SLC4A5: variants seen among roughly 807,000 people sequenced by gnomAD.
The protein encoded by SLC4A5 is electrogenic sodium bicarbonate cotransporter 4.
A neutral mutation model predicts 120.4 loss-of-function variants in SLC4A5; 96 were observed. The ratio of observed to expected loss-of-function variants is 0.80; its 90% CI spans 0.68 to 0.94. SLC4A5 has a LOEUF of 0.94. SLC4A5 is among the 40% of genes least tolerant of loss of function. The pLI is 0.00. For missense variants in SLC4A5, 1,259 were observed against 1,459.5 expected (o/e 0.86, Z 2.24); for synonymous variants, 550 against 571.1 (o/e 0.96, Z 0.53).
intron 19 of SLC4A5, among the ~76,000 whole-genome samples, chr2:74,244,498 T>C (rs56062425): frequency 1.9e-4 from 13 of 66,846 alleles, no homozygotes; most frequent in African/African-American, 3.4e-4. Flanking sequence ...CTCTCTCCCT[T>C]CCTTCTTTTC....
chr2:74,305,041 C>T (rs932877157), intron 6 of SLC4A5, among the ~76,000 whole-genome samples: 1 of 152,230 alleles, frequency 6.6e-6, no homozygotes, highest in Admixed American at 6.5e-5. Context: ...CAAGTGCCCT[C>T]TTTGATTGTT....
intron 28 of SLC4A5, among the ~76,000 whole-genome samples, chr2:74,223,340 T>G (rs1374154892): frequency 6.6e-6 from 1 of 152,182 alleles, no homozygotes; most frequent in Middle Eastern, 3.2e-3. Context: ...GGAAAATGCA[T>G]GCATGAACAT....
At position 74,250,354 on chromosome 2, in the gene SLC4A5, C is replaced by T. The variant is rs1400303329; in HGVS notation, c.1642G>A (p.Asp548Asn). 8 of 1,613,976 alleles carry T rather than the reference C, an allele frequency of 5.0e-6. 1 individual carries two copies. The highest frequency in any genetic ancestry group is 4.4e-5 in the South Asian group (4 of 91,048). ...CGGCTCGCACACACCTGATAATTGTCGGTGGCATCCCCCAGAAGCCCACCA... is the reference window on the plus strand; with the variant it reads ...CGGCTCGCACACACCTGATAATTGTTGGTGGCATCCCCCAGAAGCCCACCA... The change falls in exon 17 of 31, where the codon GAC (aspartate) becomes AAC (asparagine). Residue 548 changes from aspartate (D) to asparagine (N), a missense_variant. Asp to Asn is a conservative substitution (Grantham distance 23). Coordinates refer to ENST00000394019, the Ensembl canonical transcript of SLC4A5.
intron 28 of SLC4A5, 32 bp from the exon 29 acceptor site, chr2:74,222,984 C>A: frequency 6.9e-7 from 1 of 1,451,622 alleles, no homozygotes; most frequent in Non-Finnish European, 9.5e-7. Context: ...AGAGGATAAA[C>A]ACCAACACAA....
At chr2:74,312,841 G>A (rs547870832) in intron 6 of SLC4A5, among the ~76,000 whole-genome samples, 77 of 152,256 alleles carry the variant, frequency 5.1e-4, no homozygotes, top group Non-Finnish European at 9.1e-4. Flanking sequence ...GCTGAGGCAT[G>A]AGAATTGCCT....
intron 2 of SLC4A5, among the ~76,000 whole-genome samples, chr2:74,341,652 G>A (rs1334294573): frequency 2.6e-5 from 4 of 152,168 alleles, no homozygotes. Flanking sequence ...CACTGTGCCC[G>A]ACACAGAGCA....
At chr2:74,283,473 C>T (rs1034001430) in intron 8 of SLC4A5, among the ~76,000 whole-genome samples, 2 of 152,204 alleles carry the variant, frequency 1.3e-5, no homozygotes, top group Admixed American at 6.5e-5. Context: ...CTCTGAGGCC[C>T]GCAGGGACTT....
At chr2:74,230,865 G>C (rs1354242996) in intron 25 of SLC4A5, among the ~76,000 whole-genome samples, 1 of 152,002 alleles carries the variant, frequency 6.6e-6, no homozygotes, top group African/African-American at 2.4e-5. Context: ...GGAGTGCAGT[G>C]GTGCGATCTT....
At chr2:74,234,562 T>C (rs1670208854) in intron 22 of SLC4A5, among the ~76,000 whole-genome samples, 1 of 152,212 alleles carries the variant, frequency 6.6e-6, no homozygotes, top group Admixed American at 6.5e-5. Flanking sequence ...TTCTAAGCAG[T>C]GGTTCTCAAA....
intron 12 of SLC4A5, among the ~76,000 whole-genome samples, chr2:74,257,931 C>G (rs1671020902): frequency 6.6e-6 from 1 of 152,194 alleles, no homozygotes; most frequent in African/African-American, 2.4e-5. Flanking sequence ...GGGAGTTGGT[C>G]CTTCCTTACA....
Position 74,255,682 on chromosome 2 carries a change from T to G in SLC4A5, c.1025+93A>C. The G allele has an allele frequency of 1.1e-5, 16 of 1,462,836 alleles. No individual in the cohort carries two copies. Among genetic ancestry groups the G allele is most frequent in the East Asian group, 2.3e-5 (1 of 42,984 alleles). The allele number at this position is 1,462,836 out of a possible 1,614,324, so 90.6% of individuals were successfully genotyped here. A position where few individuals can be genotyped will look rare whatever the true frequency, so the allele number is the denominator to read the frequency against. The stretch of plus-strand genomic sequence containing the variant: ...CAGCCTCCACGTTTAGAGGTGCCTT[T>G]GAGAACACTAACAGTCAACAGCACT... On this transcript the variant is annotated intron_variant, in intron 13 of 30. Transcript: ENST00000394019. The surrounding 1 kb of genome is among the most constrained non-coding windows in gnomAD (Gnocchi z 4.0).
rs182708564 is a variant in SLC4A5 at position 74,337,940 on chromosome 2, A to G, written c.-221+915T>C. ...CTCTGAACTAGGTATCGTGAAACAG[A>G]AAGTAAGGCTTTCCAGGCAGGTGTG... On this transcript the variant is annotated intron_variant, in intron 3 of 30. Transcript: ENST00000394019. 1.9e-3 allele frequency among the ~76,000 whole-genome samples: 287 copies of G among 152,266 alleles called. 1 individual carries two copies. Among genetic ancestry groups the G allele is most frequent in the Middle Eastern group, 6.8e-3 (2 of 294 alleles).
intron 8 of SLC4A5, among the ~76,000 whole-genome samples, chr2:74,266,236 A>G (rs1384675255): frequency 6.6e-6 from 1 of 152,188 alleles, no homozygotes; most frequent in Non-Finnish European, 1.5e-5. Flanking sequence ...TCAGTGGCAC[A>G]AGAGTCCAGA....
chr2:74,264,038 A>C (rs904766789), intron 10 of SLC4A5, 109 bp downstream of exon 10: 2 of 1,398,430 alleles, frequency 1.4e-6, no homozygotes, highest in African/African-American at 1.4e-5. Context: ...TCCCCAGAAC[A>C]TCAGAATTTC....
At chr2:74,304,413 C>A (rs565777645) in intron 7 of SLC4A5, 76 bp downstream of exon 7, 42 of 1,395,580 alleles carry the variant, frequency 3.0e-5, no homozygotes, top group Non-Finnish European at 3.8e-5. Context: ...TCCAGAAAAT[C>A]CCCCCTGCCC....
chr2:74,317,703 G>T (rs1052162900), intron 5 of SLC4A5, among the ~76,000 whole-genome samples: 1 of 152,210 alleles, frequency 6.6e-6, no homozygotes, highest in Non-Finnish European at 1.5e-5. Context: ...AATGCAGTTA[G>T]CCCCTCAGCC....
At chr2:74,279,627 A>C (rs1671747427) in intron 8 of SLC4A5, among the ~76,000 whole-genome samples, 1 of 152,142 alleles carries the variant, frequency 6.6e-6, no homozygotes, top group African/African-American at 2.4e-5. Context: ...ACTGAACTCC[A>C]GACACGGTGG....
At chr2:74,331,688 G>A (rs933330656) in intron 4 of SLC4A5, among the ~76,000 whole-genome samples, 1 of 151,848 alleles carries the variant, frequency 6.6e-6, no homozygotes, top group Non-Finnish European at 1.5e-5. Context: ...ATTTGTCAGG[G>A]GGAAATCTAC....
At chr2:74,278,218 C>T (rs1671704213) in intron 8 of SLC4A5, among the ~76,000 whole-genome samples, 1 of 152,134 alleles carries the variant, frequency 6.6e-6, no homozygotes, top group South Asian at 2.1e-4. Flanking sequence ...CAGACCAGCT[C>T]CAAGGGTTCT....
Sources: gnomAD v4.1 joint callset for allele counts (sites outside exome capture counted in the v4.1 genomes callset) on GRCh38, gnomAD v4.1.1 for gene constraint, Gnocchi (gnomAD v3.1) non-coding constraint, MANE v1.5 for transcripts, NCBI Gene and HGNC (gene_info 2026-07-23, HGNC 2026-07-21) for gene names.